Variants in MPHOSPH9 observed in about 807,000 individuals in gnomAD.
MPHOSPH9 encodes the protein M-phase phosphoprotein 9.
MPHOSPH9 carries 88 observed loss-of-function variants against 145.5 expected under a neutral mutation model. The ratio of observed to expected loss-of-function variants is 0.60; its 90% CI spans 0.51 to 0.72. MPHOSPH9 has a LOEUF of 0.72. Ranked by LOEUF, MPHOSPH9 falls within the 30% of genes least tolerant of loss-of-function variation. The pLI, the probability that MPHOSPH9 is intolerant of heterozygous loss-of-function variation, is 0.00. For synonymous variants in MPHOSPH9, 435 were observed against 486.2 expected (o/e 0.89, Z 1.39); for missense variants, 1,238 against 1,386.6 (o/e 0.89, Z 1.70).
chr12:123,203,763 A>C (rs1200800530), intron 8 of MPHOSPH9, among the ~76,000 whole-genome samples: 1 of 152,014 alleles, frequency 6.6e-6, no homozygotes, highest in Non-Finnish European at 1.5e-5. Context: ...GGTTCACTGC[A>C]GCCTCAATCT....
Position 123,154,292 on chromosome 12 carries a change from C to T in MPHOSPH9, c.*2515G>A, listed in dbSNP as rs368795066. On this transcript the variant is annotated 3_prime_UTR_variant, in exon 24 of 24. Coordinates refer to ENST00000606320, the MANE Select transcript of MPHOSPH9 (RefSeq NM_022782.4). ...GCCAACAACAAAAATAGTTTATACCCGGGGATAATAGCTGCTATTTAGAAT... is the reference window on the plus strand; with the variant it reads ...GCCAACAACAAAAATAGTTTATACCTGGGGATAATAGCTGCTATTTAGAAT... 5 of 151,692 alleles carry T rather than the reference C, an allele frequency of 3.3e-5. No homozygotes were observed. The highest frequency in any genetic ancestry group is 1.9e-4 in the East Asian group (1 of 5,202). 9.4% of individuals were successfully genotyped at this position (151,692 alleles called of 1,614,324 possible). A position where few individuals can be genotyped will look rare whatever the true frequency, so the allele number is the denominator to read the frequency against.
At chr12:123,169,801 A>C (rs1399800725) in intron 16 of MPHOSPH9, among the ~76,000 whole-genome samples, 1 of 151,796 alleles carries the variant, frequency 6.6e-6, no homozygotes, top group Non-Finnish European at 1.5e-5. Context: ...GGGTTTCACC[A>C]TGTTGGCCAA....
At chr12:123,208,184 G>A (rs12230136) in intron 8 of MPHOSPH9, among the ~76,000 whole-genome samples, 1,842 of 96,626 alleles carry the variant, frequency 0.019, 33 homozygotes, top group South Asian at 0.082. Context: ...CTGAGACTCC[G>A]TCTCAAAAAA....
At chr12:123,236,398 T>C (rs1458670657), upstream of MPHOSPH9, among the ~76,000 whole-genome samples, 2 of 151,562 alleles carry the variant, frequency 1.3e-5, no homozygotes, top group African/African-American at 4.9e-5. Flanking sequence ...GTTCGAGACC[T>C]GCCTGGGCAA....
intron 13 of MPHOSPH9, among the ~76,000 whole-genome samples, chr12:123,184,830 G>C (rs1372746333): frequency 6.6e-6 from 1 of 151,870 alleles, no homozygotes; most frequent in African/African-American, 2.4e-5. Flanking sequence ...TTGAGACAGA[G>C]TCTCACTCTG....
At chr12:123,165,204 T>A (rs1456013121) in intron 18 of MPHOSPH9, 98 bp downstream of exon 18, 3 of 1,235,780 alleles carry the variant, frequency 2.4e-6, no homozygotes, top group Non-Finnish European at 3.4e-6. Context: ...GAGCTAAAAC[T>A]TTTAATTTCA....
chr12:123,206,599 C>T (rs749014737), intron 8 of MPHOSPH9, among the ~76,000 whole-genome samples: 13 of 151,900 alleles, frequency 8.6e-5, no homozygotes, highest in Non-Finnish European at 1.5e-4. Flanking sequence ...CTTATGTTTT[C>T]CTTTTTAAAG....
chr12:123,192,618 G>A lies in MPHOSPH9; in HGVS notation c.2241+1768C>T, dbSNP rs1200467171. On this transcript the variant is annotated intron_variant, in intron 13 of 23. Coordinates refer to ENST00000606320, the MANE Select transcript of MPHOSPH9 (RefSeq NM_022782.4). ...CACTCCAGCCTGGGCAACAGAGTGA[G>A]ACACCGTCTCAAAAAAAAAAAAAAA... 3.6e-4 allele frequency among the ~76,000 whole-genome samples: 35 copies of A among 96,882 alleles called. No homozygotes were observed. In the South Asian group the frequency reaches 0.014, roughly 38 times the overall value. 63.6% of individuals were successfully genotyped at this position (96,882 alleles called of 152,430 possible). A position where few individuals can be genotyped will look rare whatever the true frequency, so the allele number is the denominator to read the frequency against.
chr12:123,159,397 T>C lies in MPHOSPH9; in HGVS notation c.3450+1384A>G, dbSNP rs1159378874. Reference sequence around the variant, plus strand: ...CCAGGCTGGTCTTGAACTCCTGACCTCGTGATCCGCCCACCTCGGCCTCCC... The same window carrying C: ...CCAGGCTGGTCTTGAACTCCTGACCCCGTGATCCGCCCACCTCGGCCTCCC... On this transcript the variant is annotated intron_variant, in intron 23 of 23. Transcript: ENST00000606320. This position sits in a 1 kb window ranked among gnomAD's most constrained non-coding sequence, Gnocchi z 4.3. 6.6e-6 allele frequency among the ~76,000 whole-genome samples: 1 copy of C among 151,980 alleles called. No homozygotes were observed. The highest frequency in any genetic ancestry group is 2.4e-5 in the African/African-American group (1 of 41,388).
chr12:123,174,657 C>T (rs909119133), intron 16 of MPHOSPH9, among the ~76,000 whole-genome samples: 2 of 152,142 alleles, frequency 1.3e-5, no homozygotes, highest in African/African-American at 4.8e-5. Context: ...CAGGCGTGAG[C>T]CACCGCACCC....
chr12:123,206,775 A>G (rs2046455294), intron 8 of MPHOSPH9, among the ~76,000 whole-genome samples: 1 of 151,344 alleles, frequency 6.6e-6, no homozygotes, highest in Admixed American at 6.6e-5. Flanking sequence ...TTAGCTGGGT[A>G]TGGTAGTGCA....
chr12:123,214,918 A>G, intron 6 of MPHOSPH9, 84 bp from the exon 7 acceptor site: 1 of 1,134,756 alleles, frequency 8.8e-7, no homozygotes. Context: ...CAGGCCTCAA[A>G]CCAGGTGGGG....
chr12:123,224,681 T>G (rs547949085), intron 3 of MPHOSPH9, among the ~76,000 whole-genome samples: 1 of 152,174 alleles, frequency 6.6e-6, no homozygotes, highest in Non-Finnish European at 1.5e-5. Context: ...GGTCCAGGCA[T>G]GCGGATCATA....
chr12:123,199,248 T>A (rs2046108758), intron 11 of MPHOSPH9, among the ~76,000 whole-genome samples: 1 of 152,130 alleles, frequency 6.6e-6, no homozygotes, highest in South Asian at 2.1e-4. Context: ...TTTCATATTA[T>A]GACCTTCTGT....
intron 19 of MPHOSPH9, 80 bp downstream of exon 19, chr12:123,163,870 C>G: frequency 6.4e-7 from 1 of 1,559,976 alleles, no homozygotes; most frequent in African/African-American, 1.4e-5. Flanking sequence ...AAACCAGAAA[C>G]AGGCAAGCAG....
chr12:123,166,023 G>T (rs1330307963), intron 17 of MPHOSPH9, among the ~76,000 whole-genome samples: 2 of 152,230 alleles, frequency 1.3e-5, no homozygotes, highest in Non-Finnish European at 2.9e-5. Flanking sequence ...CATCTGCACA[G>T]CACCCTGGAG....
rs2043855868 is a variant in MPHOSPH9 at position 123,156,095 on chromosome 12, G to A, written c.*712C>T. 6.6e-6 allele frequency: 1 copy of A among 152,174 alleles called. No individual in the cohort carries two copies. 9.4% of individuals were successfully genotyped at this position (152,174 alleles called of 1,614,324 possible). A position where few individuals can be genotyped will look rare whatever the true frequency, so the allele number is the denominator to read the frequency against. On this transcript the variant is annotated 3_prime_UTR_variant, in exon 24 of 24. Transcript: ENST00000606320. Reference sequence around the variant, plus strand: ...GGGACACAAGTTAATTCAGAACAATGGGCAGAGAGCTACTCTGAGAGCCCT... The same window carrying A: ...GGGACACAAGTTAATTCAGAACAATAGGCAGAGAGCTACTCTGAGAGCCCT...
At chr12:123,178,455 G>A (rs139259374) in intron 15 of MPHOSPH9, among the ~76,000 whole-genome samples, 69 of 152,250 alleles carry the variant, frequency 4.5e-4, no homozygotes, top group African/African-American at 1.6e-3. Flanking sequence ...AATAAGGGAC[G>A]TTACTTATAT....
In MPHOSPH9 at chr12:123,159,945, C is replaced by A. The variant is rs1345627954; in HGVS notation, c.3450+836G>T. 2 of 152,072 alleles carry A rather than the reference C, an allele frequency of 1.3e-5. No individual in the cohort carries two copies. Among genetic ancestry groups the A allele is most frequent in the Non-Finnish European group, 2.9e-5 (2 of 68,034 alleles). The allele number at this position is 152,072 out of a possible 1,614,324, so 9.4% of individuals were successfully genotyped here. ...GCAGTGGCACCATCTTGGCTCACTGCAACCTCCACCTTCCAGGTTCGAGCA... is the reference window on the plus strand; with the variant it reads ...GCAGTGGCACCATCTTGGCTCACTGAAACCTCCACCTTCCAGGTTCGAGCA... On this transcript the variant is annotated intron_variant, in intron 23 of 23. Transcript: ENST00000606320. The surrounding 1 kb of genome is among the most constrained non-coding windows in gnomAD (Gnocchi z 4.3).
Sources: gnomAD v4.1 joint callset for allele counts (sites outside exome capture counted in the v4.1 genomes callset) on GRCh38, gnomAD v4.1.1 for gene constraint, Gnocchi (gnomAD v3.1) non-coding constraint, MANE v1.5 for transcripts, NCBI Gene and HGNC (gene_info 2026-07-23, HGNC 2026-07-21) for gene names.